Variants in NRG3 observed in about 807,000 individuals in gnomAD.
The protein encoded by NRG3 is neuregulin 3.
In NRG3, 31 loss-of-function variants were observed where a neutral mutation model predicts 66.9. The observed-to-expected ratio is 0.46, with a 90% CI of 0.35 to 0.63. The LOEUF (loss-of-function observed/expected upper bound fraction) is 0.63, where lower values mean the gene tolerates loss of function less well. Ranked by LOEUF, NRG3 falls within the 20% of genes least tolerant of loss-of-function variation. The pLI is 0.00. For synonymous variants in NRG3, 393 were observed against 359.4 expected (o/e 1.09, Z -1.06); for missense variants, 910 against 878.9 (o/e 1.04, Z -0.45).
intron 1 of NRG3, among the ~76,000 whole-genome samples, chr10:82,117,647 C>T (rs2067811608): frequency 6.6e-6 from 1 of 152,152 alleles, no homozygotes; most frequent in Non-Finnish European, 1.5e-5. Context: ...CCCTTTTTAC[C>T]TGGCAGGGTG....
At chr10:82,017,123 C>T (rs1053926851) in intron 1 of NRG3, among the ~76,000 whole-genome samples, 26 of 152,042 alleles carry the variant, frequency 1.7e-4, no homozygotes, top group African/African-American at 6.3e-4. Context: ...TGTGATGTTC[C>T]CCTTCCTGTG....
intron 2 of NRG3, among the ~76,000 whole-genome samples, chr10:82,376,188 G>T (rs1193959060): frequency 1.3e-5 from 2 of 152,106 alleles, no homozygotes. Context: ...ATCTAGCAAG[G>T]CTTTACACCG....
intron 1 of NRG3, among the ~76,000 whole-genome samples, chr10:82,142,808 A>G (rs1053093014): frequency 3.2e-5 from 4 of 124,792 alleles, no homozygotes; most frequent in African/African-American, 1.3e-4. Context: ...GACTCTATCT[A>G]TCTCCAGGCT....
chr10:81,875,918 T>A lies in NRG3; in HGVS notation c.578T>A (p.Val193Asp). ...TARNTAAPAT[V>D]PSTTAPFFSS... is the part of the protein sequence containing the mutation. ...CGGAACACTGCGGCCCCTGCGACGG[T>A]CCCGTCCACCACGGCCCCGTTCTTC... Residue 193 changes from valine to aspartate, a missense_variant, in exon 1 of 9, where the codon GTC becomes GAC. Transcript: ENST00000372141. This position sits in a 1 kb window ranked among gnomAD's most constrained non-coding sequence, Gnocchi z 5.3. The A allele has an allele frequency of 6.2e-7, 1 of 1,613,260 alleles. No homozygotes were observed. The highest frequency in any genetic ancestry group is 1.1e-5 in the South Asian group (1 of 91,060).
chr10:82,509,219 G>T (rs757647556), intron 2 of NRG3, among the ~76,000 whole-genome samples: 49 of 152,080 alleles, frequency 3.2e-4, no homozygotes, highest in Admixed American at 2.6e-4. Context: ...AATGACAACA[G>T]AAACAGACTT....
intron 1 of NRG3, among the ~76,000 whole-genome samples, chr10:82,190,230 T>C (rs1426402752): frequency 6.6e-6 from 1 of 152,108 alleles, no homozygotes; most frequent in Admixed American, 6.5e-5. Context: ...TCACATTGCC[T>C]GTCACAAAGT....
chr10:82,301,341 T>A (rs1263713183), intron 1 of NRG3, among the ~76,000 whole-genome samples: 1 of 152,226 alleles, frequency 6.6e-6, no homozygotes, highest in African/African-American at 2.4e-5. Context: ...AATATTTATG[T>A]CTCTATTTGA....
intron 3 of NRG3, among the ~76,000 whole-genome samples, chr10:82,801,819 G>A (rs911165922): frequency 6.6e-5 from 10 of 152,292 alleles, no homozygotes; most frequent in Admixed American, 6.5e-4. Flanking sequence ...TAATGTCTGT[G>A]TGATGTGATG....
chr10:82,200,579 A>G (rs376787269), intron 1 of NRG3, among the ~76,000 whole-genome samples: 46 of 152,270 alleles, frequency 3.0e-4, no homozygotes, highest in East Asian at 5.8e-4. Flanking sequence ...TTATTTGGCA[A>G]ATAAATCAAT....
At chr10:82,714,885 CT>C (rs1160421317) in intron 2 of NRG3, among the ~76,000 whole-genome samples, 3 of 152,104 alleles carry the variant, frequency 2.0e-5, no homozygotes, top group Admixed American at 6.5e-5. Context: ...AGTGAAAAAT[CT>C]ATTAACTATG....
intron 2 of NRG3, among the ~76,000 whole-genome samples, chr10:82,561,913 A>G (rs1312528313): frequency 2.0e-5 from 3 of 152,316 alleles, no homozygotes; most frequent in African/African-American, 7.2e-5. Flanking sequence ...TATGAGGGCA[A>G]TAGGGGTAGG....
chr10:82,593,419 A>G (rs1270116291), intron 2 of NRG3, among the ~76,000 whole-genome samples: 1 of 152,206 alleles, frequency 6.6e-6, no homozygotes. Flanking sequence ...CTGTATTTGC[A>G]TTTGATTATA....
At chr10:82,189,079 G>T (rs912843663) in intron 1 of NRG3, among the ~76,000 whole-genome samples, 1 of 151,840 alleles carries the variant, frequency 6.6e-6, no homozygotes, top group African/African-American at 2.4e-5. Context: ...TTTTGAAAAC[G>T]GTTTAATTTT....
chr10:82,883,096 C>T (rs1842438401), intron 4 of NRG3, among the ~76,000 whole-genome samples: 1 of 152,176 alleles, frequency 6.6e-6, no homozygotes, highest in Non-Finnish European at 1.5e-5. Flanking sequence ...GTGTAGAAGA[C>T]ATCGTTTCAA....
At chr10:82,487,123 G>GAT (rs942627451) in intron 2 of NRG3, among the ~76,000 whole-genome samples, 7 of 147,526 alleles carry the variant, frequency 4.7e-5, no homozygotes, top group African/African-American at 1.5e-4. Context: ...CTATTATATA[G>GAT]ATATATATAT....
intron 1 of NRG3, among the ~76,000 whole-genome samples, chr10:82,239,986 AT>A (rs900833001): frequency 6.6e-6 from 1 of 150,844 alleles, no homozygotes. Flanking sequence ...GTGTACTGGT[AT>A]TTTTTTTAAA....
intron 2 of NRG3, among the ~76,000 whole-genome samples, chr10:82,710,035 T>C (rs56697116): frequency 0.073 from 11,049 of 152,278 alleles, 1,123 homozygotes; most frequent in African/African-American, 0.23. Flanking sequence ...TATTCCATTA[T>C]ATTTTGAACA....
intron 1 of NRG3, among the ~76,000 whole-genome samples, chr10:82,255,558 T>C (rs2077679072): frequency 6.6e-6 from 1 of 152,144 alleles, no homozygotes; most frequent in African/African-American, 2.4e-5. Flanking sequence ...TTCTGTACTG[T>C]TTTCTCAATT....
At chr10:82,536,373 C>G (rs1847814889) in intron 2 of NRG3, among the ~76,000 whole-genome samples, 1 of 152,158 alleles carries the variant, frequency 6.6e-6, no homozygotes, top group Non-Finnish European at 1.5e-5. Flanking sequence ...AACTAGTGCT[C>G]TCTCCCTTAT....
Sources: gnomAD v4.1 joint callset for allele counts (sites outside exome capture counted in the v4.1 genomes callset) on GRCh38, gnomAD v4.1.1 for gene constraint, Gnocchi (gnomAD v3.1) non-coding constraint, MANE v1.5 for transcripts, NCBI Gene and HGNC (gene_info 2026-07-23, HGNC 2026-07-21) for gene names.